Variants in SPATA16 observed in about 807,000 individuals in gnomAD.
SPATA16 encodes the protein spermatogenesis associated 16.
In SPATA16, 36 loss-of-function variants were observed where a neutral mutation model predicts 63.3. The ratio of observed to expected loss-of-function variants is 0.57; its 90% CI spans 0.44 to 0.75. The LOEUF is 0.75. SPATA16 is among the 30% of genes least tolerant of loss of function. SPATA16 has a pLI of 0.00. For synonymous variants in SPATA16, 203 were observed against 216.7 expected (o/e 0.94, Z 0.56); for missense variants, 646 against 679.3 (o/e 0.95, Z 0.54).
chr3:172,902,577 A>C (rs1037278403), intron 10 of SPATA16, among the ~76,000 whole-genome samples: 1 of 152,198 alleles, frequency 6.6e-6, no homozygotes, highest in African/African-American at 2.4e-5. Flanking sequence ...TTCTTTCCAT[A>C]AGAGGTCTTT....
intron 1 of SPATA16, among the ~76,000 whole-genome samples, chr3:173,139,878 AG>A (rs1244509704): frequency 6.6e-6 from 1 of 152,062 alleles, no homozygotes; most frequent in Non-Finnish European, 1.5e-5. Flanking sequence ...CCAGCTACTC[AG>A]GAGGCTGAGG....
intron 2 of SPATA16, among the ~76,000 whole-genome samples, chr3:173,049,473 C>T (rs1736032802): frequency 6.6e-6 from 1 of 152,004 alleles, no homozygotes; most frequent in Non-Finnish European, 1.5e-5. Flanking sequence ...AACAGAAAGC[C>T]AGGCATAAAT....
intron 5 of SPATA16, among the ~76,000 whole-genome samples, chr3:172,972,373 A>G (rs1456293109): frequency 6.6e-6 from 1 of 152,168 alleles, no homozygotes; most frequent in Non-Finnish European, 1.5e-5. Context: ...GCTTCTTTGG[A>G]GCCAAGAGCT....
chr3:173,051,481 G>A (rs751584131), intron 2 of SPATA16, among the ~76,000 whole-genome samples: 2 of 152,106 alleles, frequency 1.3e-5, no homozygotes, highest in East Asian at 1.9e-4. Flanking sequence ...GATTACAGGC[G>A]TGAGCCACCG....
intron 6 of SPATA16, among the ~76,000 whole-genome samples, chr3:172,954,397 T>C (rs1023232800): frequency 1.3e-5 from 2 of 152,176 alleles, no homozygotes; most frequent in African/African-American, 2.4e-5. Context: ...GCCATGCCCT[T>C]GACACTTGGG....
intron 2 of SPATA16, among the ~76,000 whole-genome samples, chr3:173,068,003 T>C (rs1736563665): frequency 6.6e-6 from 1 of 152,196 alleles, no homozygotes; most frequent in Non-Finnish European, 1.5e-5. Context: ...GAATATTACA[T>C]CCAGCAAAAT....
At chr3:173,102,968 G>C (rs1214996086) in intron 2 of SPATA16, among the ~76,000 whole-genome samples, 1 of 152,188 alleles carries the variant, frequency 6.6e-6, no homozygotes, top group Non-Finnish European at 1.5e-5. Flanking sequence ...AAATAAAAGG[G>C]AGAAATCAGC....
chr3:173,065,868 C>T (rs574129648), intron 2 of SPATA16, among the ~76,000 whole-genome samples: 1 of 152,126 alleles, frequency 6.6e-6, no homozygotes, highest in African/African-American at 2.4e-5. Flanking sequence ...TATTTACCAG[C>T]TGACTAAAGT....
At chr3:173,046,887 A>C (rs1398462984) in intron 3 of SPATA16, among the ~76,000 whole-genome samples, 2 of 152,026 alleles carry the variant, frequency 1.3e-5, no homozygotes, top group East Asian at 3.8e-4. Flanking sequence ...ATGCATTATT[A>C]ATTGTACAAA....
At chr3:173,001,645 G>A (rs1734832134) in intron 4 of SPATA16, among the ~76,000 whole-genome samples, 1 of 152,144 alleles carries the variant, frequency 6.6e-6, no homozygotes, top group Admixed American at 6.5e-5. Flanking sequence ...TTCAGGTTTT[G>A]TACCTGGTAG....
intron 2 of SPATA16, among the ~76,000 whole-genome samples, chr3:173,049,981 C>A (rs2108294468): frequency 6.6e-6 from 1 of 152,124 alleles, no homozygotes; most frequent in African/African-American, 2.4e-5. Flanking sequence ...CTACTTCCAT[C>A]TATGCATATA....
intron 4 of SPATA16, among the ~76,000 whole-genome samples, chr3:172,999,714 C>T (rs1471876850): frequency 2.0e-5 from 3 of 152,110 alleles, no homozygotes; most frequent in East Asian, 1.9e-4. Flanking sequence ...GCGCCTGGCC[C>T]CCTATTTCAT....
At chr3:173,025,340 G>A (rs1234934606) in intron 3 of SPATA16, among the ~76,000 whole-genome samples, 1 of 151,688 alleles carries the variant, frequency 6.6e-6, no homozygotes, top group Non-Finnish European at 1.5e-5. Flanking sequence ...TTTTAATGGT[G>A]ATTATTACCA....
chr3:173,067,804 G>A (rs1736560085), intron 2 of SPATA16, among the ~76,000 whole-genome samples: 2 of 152,016 alleles, frequency 1.3e-5, no homozygotes, highest in African/African-American at 4.8e-5. Flanking sequence ...TAAGACTATG[G>A]TATATAGTAA....
chr3:172,938,089 A>G (rs1215563864), intron 6 of SPATA16, among the ~76,000 whole-genome samples: 1 of 152,212 alleles, frequency 6.6e-6, no homozygotes, highest in Non-Finnish European at 1.5e-5. Flanking sequence ...TATCCACTAA[A>G]TATGCCCATT....
At chr3:173,130,472 C>G (rs1404780204) in intron 1 of SPATA16, among the ~76,000 whole-genome samples, 1 of 149,056 alleles carries the variant, frequency 6.7e-6, no homozygotes, top group Non-Finnish European at 1.5e-5. Flanking sequence ...TGCATTTTAA[C>G]TTAACCCCTA....
At chr3:173,022,710 T>C (rs547404906) in intron 3 of SPATA16, among the ~76,000 whole-genome samples, 123 of 151,706 alleles carry the variant, frequency 8.1e-4, no homozygotes, top group African/African-American at 2.9e-3. Flanking sequence ...AGGCAGCCTG[T>C]GACCAAAATG....
At chr3:173,070,991 C>T (rs1736662083) in intron 2 of SPATA16, among the ~76,000 whole-genome samples, 1 of 151,896 alleles carries the variant, frequency 6.6e-6, no homozygotes, top group South Asian at 2.1e-4. Flanking sequence ...CACAAAAGAC[C>T]CAGAATAGCC....
chr3:173,027,318 A>G (rs1177691235), intron 3 of SPATA16, among the ~76,000 whole-genome samples: 1 of 151,980 alleles, frequency 6.6e-6, no homozygotes, highest in Non-Finnish European at 1.5e-5. Context: ...TTTTCCAAAA[A>G]TACTTTGGGA....
Sources: gnomAD v4.1 joint callset for allele counts (sites outside exome capture counted in the v4.1 genomes callset) on GRCh38, gnomAD v4.1.1 for gene constraint, MANE v1.5 for transcripts, NCBI Gene and HGNC (gene_info 2026-07-23, HGNC 2026-07-21) for gene names.